Variants in PLCG2 observed in about 807,000 individuals in gnomAD.
The protein encoded by PLCG2 is phospholipase C gamma 2.
A neutral mutation model predicts 175.6 loss-of-function variants in PLCG2; 69 were observed. The ratio of observed to expected loss-of-function variants is 0.39; its 90% CI spans 0.32 to 0.48. The LOEUF is 0.48. Among genes scored for constraint, PLCG2 ranks in the 20% least tolerant of loss-of-function variants. The pLI is 0.91. For missense variants in PLCG2, 1,798 were observed against 1,650.9 expected (o/e 1.09, Z -1.54); for synonymous variants, 827 against 624.0 (o/e 1.33, Z -4.85).
chr16:81,815,636 C>T (rs536176117), intron 2 of PLCG2, among the ~76,000 whole-genome samples: 2 of 152,342 alleles, frequency 1.3e-5, no homozygotes, highest in South Asian at 2.1e-4. Flanking sequence ...AGTCCCTCTT[C>T]AGCTGCTGGG....
intron 7 of PLCG2, among the ~76,000 whole-genome samples, chr16:81,875,352 C>T (rs1343908353): frequency 1.3e-5 from 2 of 152,112 alleles, no homozygotes; most frequent in Non-Finnish European, 2.9e-5. Flanking sequence ...GATTAAGAAA[C>T]TGAGGTCCAG....
intron 2 of PLCG2, among the ~76,000 whole-genome samples, chr16:81,815,128 T>C (rs7193588): frequency 1 from 151,610 of 152,338 alleles, 75,444 homozygotes; most frequent in East Asian, 1. Context: ...TTGGGGAATT[T>C]AGGCTTAAAA....
At chr16:81,791,055 A>T (rs1343811074) in intron 2 of PLCG2, among the ~76,000 whole-genome samples, 1 of 152,036 alleles carries the variant, frequency 6.6e-6, no homozygotes, top group South Asian at 2.1e-4. Context: ...TTTGGATGGA[A>T]TTTTCTCATT....
intron 31 of PLCG2, 56 bp from the exon 32 acceptor site, chr16:81,956,639 T>G (rs1293042661): frequency 4.0e-6 from 6 of 1,483,266 alleles, no homozygotes; most frequent in African/African-American, 1.4e-5. Context: ...CAGGTTCACA[T>G]TTTGGTTTGG....
chr16:81,790,951 G>T (rs1911203794), intron 2 of PLCG2, among the ~76,000 whole-genome samples: 2 of 152,154 alleles, frequency 1.3e-5, no homozygotes, highest in Non-Finnish European at 2.9e-5. Flanking sequence ...TGTCAGTGGT[G>T]CAGGGGTTGA....
chr16:81,926,304 G>A (rs866135531), intron 22 of PLCG2, among the ~76,000 whole-genome samples: 1 of 152,192 alleles, frequency 6.6e-6, no homozygotes, highest in African/African-American at 2.4e-5. Context: ...ATCATGTGGT[G>A]TGGTCAGAGG....
intron 2 of PLCG2, among the ~76,000 whole-genome samples, chr16:81,799,285 C>A (rs1370404200): frequency 6.6e-6 from 1 of 151,676 alleles, no homozygotes; most frequent in Admixed American, 6.6e-5. Context: ...CCTTCCAAAT[C>A]TTTTTGTCCA....
chr16:81,742,769 C>T lies in PLCG2; in HGVS notation c.-145+3384C>T, dbSNP rs769440422. Among the ~76,000 whole-genome samples the T allele has an allele frequency of 3.9e-5, 6 of 152,122 alleles. No homozygotes were observed. In the East Asian group the frequency reaches 5.8e-4, roughly 15 times the overall value. ...CTACGAGACGGGAGTGAACAGGGGC[C>T]GGGAGCCTCACTTCCCATCTGGCCA... On this transcript the variant is annotated intron_variant, in intron 1 of 5. Coordinates refer to the PLCG2 transcript ENST00000565054.
intron 31 of PLCG2, among the ~76,000 whole-genome samples, chr16:81,947,570 A>G (rs996457019): frequency 1.3e-5 from 2 of 152,180 alleles, no homozygotes; most frequent in African/African-American, 2.4e-5. Context: ...AACAGCCTCA[A>G]TGCAGACTTT....
At chr16:81,846,208 C>T (rs1360578883) in intron 2 of PLCG2, among the ~76,000 whole-genome samples, 1 of 144,542 alleles carries the variant, frequency 6.9e-6, no homozygotes, top group Non-Finnish European at 1.5e-5. Context: ...GTAAGCCAAG[C>T]CAATGACTGA....
In PLCG2 at chr16:81,946,186, G is replaced by C. The variant is rs372557475; in HGVS notation, c.3493G>C (p.Val1165Leu). ...TTGTTCTGCTTCAGGATTCAGGTCCGTTCCTCTGAAGAATGGGTACAGCGA... is the reference window on the plus strand; with the variant it reads ...TTGTTCTGCTTCAGGATTCAGGTCCCTTCCTCTGAAGAATGGGTACAGCGA... ...IKAVKSGFRS[V>L]PLKNGYSEDI... The change falls in exon 31 of 33, where the codon GTT (valine) becomes CTT (leucine). Residue 1165 changes from valine to leucine, a missense_variant. Coordinates refer to ENST00000564138, the MANE Select transcript of PLCG2 (RefSeq NM_002661.5). 4 of 1,613,390 alleles carry C rather than the reference G, an allele frequency of 2.5e-6. No individual in the cohort carries two copies. Among genetic ancestry groups the C allele is most frequent in the East Asian group, 4.5e-5 (2 of 44,872 alleles).
intron 2 of PLCG2, among the ~76,000 whole-genome samples, chr16:81,804,984 G>A (rs74470864): frequency 6.6e-6 from 1 of 152,196 alleles, no homozygotes; most frequent in East Asian, 1.9e-4. Context: ...CAATCTGTCT[G>A]TGAGTTTTGC....
At chr16:81,854,071 C>G (rs752869317) in intron 2 of PLCG2, among the ~76,000 whole-genome samples, 3 of 151,374 alleles carry the variant, frequency 2.0e-5, no homozygotes, top group Non-Finnish European at 4.4e-5. Context: ...AGAGTGATCT[C>G]TAGTGAGCAT....
At chr16:81,831,685 G>A (rs1339331955) in intron 2 of PLCG2, among the ~76,000 whole-genome samples, 2 of 152,190 alleles carry the variant, frequency 1.3e-5, no homozygotes, top group African/African-American at 4.8e-5. Context: ...AGATCCTTGT[G>A]TTAGGGGGAA....
At chr16:81,916,953 A>G (rs1226197959) in intron 19 of PLCG2, among the ~76,000 whole-genome samples, 1 of 151,946 alleles carries the variant, frequency 6.6e-6, no homozygotes, top group African/African-American at 2.4e-5. Flanking sequence ...TTTGTTATTG[A>G]CTATAGTCCC....
At chr16:81,754,680 G>A (rs1401094324) in intron 1 of PLCG2, among the ~76,000 whole-genome samples, 1 of 151,144 alleles carries the variant, frequency 6.6e-6, no homozygotes, top group Non-Finnish European at 1.5e-5. Flanking sequence ...TCACTAGTGG[G>A]AACCTCACGT....
rs1311473662 is a variant in PLCG2 at position 81,786,070 on chromosome 16, G to A, written c.81G>A (p.Val27=). 1 of 1,614,200 alleles carries A rather than the reference G, an allele frequency of 6.2e-7. No individual in the cohort carries two copies. The highest frequency in any genetic ancestry group is 8.5e-7 in the Non-Finnish European group (1 of 1,180,008). ...AGAGAGCCCTGGAGCTGGGGACGGT[G>A]ATGACTGTGTTCAGCTTCCGCAAGT... ...QIKRALELGT[V]MTVFSFRKST... is the part of the protein sequence containing the mutation. The change falls in exon 2 of 33, where the codon GTG becomes GTA. Residue 27 remains valine (V), a synonymous_variant. Coordinates refer to ENST00000564138, the MANE Select transcript of PLCG2 (RefSeq NM_002661.5).
chr16:81,862,789 T>C (rs1907046339), intron 5 of PLCG2, among the ~76,000 whole-genome samples: 1 of 152,124 alleles, frequency 6.6e-6, no homozygotes, highest in African/African-American at 2.4e-5. Context: ...GAGGATCATC[T>C]GAGCCCAGGG....
intron 29 of PLCG2, 90 bp from the exon 30 acceptor site, chr16:81,939,802 A>T: frequency 1.2e-6 from 1 of 815,560 alleles, no homozygotes; most frequent in African/African-American, 1.7e-5. Context: ...ATGGTTGCTA[A>T]GGGGATTCAC....
Sources: allele counts gnomAD v4.1 joint callset (sites outside exome capture counted in the v4.1 genomes callset), GRCh38; gene constraint gnomAD v4.1.1; transcripts MANE v1.5; gene names NCBI Gene and HGNC (gene_info 2026-07-23, HGNC 2026-07-21).